The following TEX9 variants were observed in gnomAD, a reference collection of about 807,000 sequenced individuals.
TEX9 encodes testis-expressed protein 9.
In TEX9, 74 loss-of-function variants were observed where a neutral mutation model predicts 59.6. That is an observed-to-expected ratio of 1.24 (90% confidence interval 1.03 to 1.51). The LOEUF (loss-of-function observed/expected upper bound fraction) is 1.51, where lower values mean the gene tolerates loss of function less well. Among genes scored for constraint, TEX9 ranks in the 40% most tolerant of loss-of-function variants. The pLI is 0.00. For synonymous variants in TEX9, 186 were observed against 152.2 expected, an observed-to-expected ratio of 1.22 and a Z score of -1.64; for missense variants, 522 against 447.8, an observed-to-expected ratio of 1.17 and a Z score of -1.49.
At chr15:56,448,235 A>C (rs1241134736), downstream of TEX9, among the ~76,000 whole-genome samples, 1 of 152,178 alleles carries the variant, frequency 6.6e-6, no homozygotes, top group Non-Finnish European at 1.5e-5. Context: ...TGTCTACTAA[A>C]GTGGTTTTAA....
rs2045560814 is a variant in TEX9, at chr15:56,309,693, G to GGTTTTT, written c.-106-63748_-106-63747insGTTTTT. Among the ~76,000 whole-genome samples the GGTTTTT allele has an allele frequency of 2.1e-4, 13 of 60,772 alleles. 1 individual carries two copies. The highest frequency in any genetic ancestry group is 3.1e-4 in the Non-Finnish European group (11 of 35,718). The allele number at this position is 60,772 out of a possible 152,430, so 39.9% of individuals were successfully genotyped here. On this transcript the variant is annotated intron_variant, in intron 1 of 5. Coordinates refer to the TEX9 transcript ENST00000560827. ...TCTGGGCCTGGGATTTTTATGGGAA[G>GGTTTTT]TTTTTTTTTTTTTTTTTTTTTTTTT...
intron 10 of TEX9, among the ~76,000 whole-genome samples, chr15:56,424,916 T>C (rs1014922718): frequency 1.3e-5 from 2 of 152,184 alleles, no homozygotes; most frequent in African/African-American, 2.4e-5. Context: ...GGATTTTCTT[T>C]AGGATTTTGT....
At chr15:56,318,027 G>C (rs534196281) in intron 1 of TEX9, among the ~76,000 whole-genome samples, 5 of 152,022 alleles carry the variant, frequency 3.3e-5, no homozygotes, top group African/African-American at 1.2e-4. Flanking sequence ...CAAATCTTCT[G>C]CTTTCTTGTT....
intron 1 of TEX9, among the ~76,000 whole-genome samples, chr15:56,324,433 C>G (rs530029742): frequency 6.6e-6 from 1 of 152,192 alleles, no homozygotes; most frequent in Admixed American, 6.5e-5. Flanking sequence ...GAGTTACACA[C>G]ATAAGTGGTG....
At chr15:56,420,101 A>G (rs1453066238) in intron 10 of TEX9, among the ~76,000 whole-genome samples, 3 of 151,740 alleles carry the variant, frequency 2.0e-5, no homozygotes, top group African/African-American at 7.3e-5. Context: ...TATTCCTCCT[A>G]CATTCCTGTG....
At chr15:56,363,669 T>A (rs1389937432), upstream of TEX9, among the ~76,000 whole-genome samples, 5 of 151,688 alleles carry the variant, frequency 3.3e-5, no homozygotes, top group African/African-American at 1.2e-4. Flanking sequence ...TTAAATTGTT[T>A]TTCTTTTTTT....
At chr15:56,409,917 T>G (rs1057200714) in intron 9 of TEX9, 1 of 152,248 alleles carries the variant, frequency 6.6e-6, no homozygotes, top group Non-Finnish European at 1.5e-5. Context: ...TTTTTCTTGA[T>G]AGTCCTTAAC....
chr15:56,380,708 T>C (rs1178981716), intron 3 of TEX9, among the ~76,000 whole-genome samples: 1 of 152,190 alleles, frequency 6.6e-6, no homozygotes, highest in Non-Finnish European at 1.5e-5. Context: ...TTAAAATCTA[T>C]ATTTTTTTCT....
chr15:56,255,640 A>G (rs2044129017), intron 1 of TEX9, among the ~76,000 whole-genome samples: 1 of 152,100 alleles, frequency 6.6e-6, no homozygotes, highest in African/African-American at 2.4e-5. Flanking sequence ...AAATGTTCAT[A>G]TTAGTGAAAA....
At chr15:56,259,277 C>G (rs1408834033) in intron 1 of TEX9, among the ~76,000 whole-genome samples, 1 of 151,958 alleles carries the variant, frequency 6.6e-6, no homozygotes, top group Non-Finnish European at 1.5e-5. Flanking sequence ...ACTACAACAG[C>G]AGAGTTAAGT....
chr15:56,428,506 G>C (rs77031591), intron 12 of TEX9: 57,531 of 1,168,148 alleles, frequency 0.049, 1,953 homozygotes, highest in Admixed American at 0.12. Flanking sequence ...ACTTATTGTA[G>C]TGGTTTGAAT....
intron 1 of TEX9, among the ~76,000 whole-genome samples, chr15:56,264,486 T>G (rs2044335764): frequency 6.6e-6 from 1 of 152,246 alleles, no homozygotes; most frequent in African/African-American, 2.4e-5. Context: ...AGGAGACCTT[T>G]AAATGATAAG....
At chr15:56,323,125 G>T in intron 1 of TEX9, 1 of 215,300 alleles carries the variant, frequency 4.6e-6, no homozygotes, top group South Asian at 8.3e-5. Context: ...GGGCAAAGGA[G>T]ATTCTAAGAA....
chr15:56,301,458 A>C (rs2045359469), intron 1 of TEX9, among the ~76,000 whole-genome samples: 1 of 152,188 alleles, frequency 6.6e-6, no homozygotes, highest in Non-Finnish European at 1.5e-5. Context: ...CATCAAGCAG[A>C]TTTAACCAAA....
At chr15:56,455,220 G>A in the TEX9 span, among the ~76,000 whole-genome samples, 2 of 108,906 alleles carry the variant, frequency 1.8e-5, no homozygotes, top group African/African-American at 7.1e-5. Context: ...CAGGGAATTA[G>A]AGATAAGAAA....
At chr15:56,454,567 T>A in the TEX9 span, among the ~76,000 whole-genome samples, 1 of 152,166 alleles carries the variant, frequency 6.6e-6, no homozygotes, top group African/African-American at 2.4e-5. Context: ...TCTTTTTTGT[T>A]CTGGCTGCTT....
At chr15:56,403,865 A>C (rs1353954541) in intron 9 of TEX9, among the ~76,000 whole-genome samples, 1 of 152,250 alleles carries the variant, frequency 6.6e-6, no homozygotes, top group Non-Finnish European at 1.5e-5. Context: ...AAACCTGACA[A>C]AAACAAGAAA....
downstream of TEX9, chr15:56,445,918 C>A (rs180735242): frequency 6.6e-6 from 1 of 152,054 alleles, no homozygotes; most frequent in Non-Finnish European, 1.5e-5. Flanking sequence ...CAAAGGACAG[C>A]GCTATATGGC....
chr15:56,337,728 A>G (rs1349115474), intron 1 of TEX9, among the ~76,000 whole-genome samples: 23 of 152,228 alleles, frequency 1.5e-4, no homozygotes, highest in East Asian at 1.9e-4. Flanking sequence ...ATGGTAATTC[A>G]TTAAATTACT....
Sources: allele counts gnomAD v4.1 joint callset (sites outside exome capture counted in the v4.1 genomes callset), GRCh38; gene constraint gnomAD v4.1.1; transcripts MANE v1.5; gene names NCBI Gene and HGNC (gene_info 2026-07-23, HGNC 2026-07-21).